Variants in FSTL5 observed in about 807,000 individuals in gnomAD.
The protein encoded by FSTL5 is follistatin-related protein 5.
A neutral mutation model predicts 89.1 loss-of-function variants in FSTL5; 62 were observed. That is an observed-to-expected ratio of 0.70 (90% CI 0.57 to 0.86). The LOEUF (loss-of-function observed/expected upper bound fraction) is 0.86, where lower values mean the gene tolerates loss of function less well. Ranked by LOEUF, FSTL5 falls within the 40% of genes least tolerant of loss-of-function variation. FSTL5 has a pLI of 0.00. For synonymous variants in FSTL5, 383 were observed against 346.2 expected, an observed-to-expected ratio of 1.11 and a Z score of -1.18; for missense variants, 1,057 against 1,001.6, an observed-to-expected ratio of 1.06 and a Z score of -0.75.
At chr4:161,882,367 A>T (rs997783781) in intron 4 of FSTL5, among the ~76,000 whole-genome samples, 4 of 152,034 alleles carry the variant, frequency 2.6e-5, no homozygotes, top group African/African-American at 9.7e-5. Context: ...ATCCTCAACT[A>T]ATTCCCGACA....
intron 2 of FSTL5, among the ~76,000 whole-genome samples, chr4:162,058,217 T>A (rs34742645): frequency 6.6e-6 from 1 of 151,896 alleles, no homozygotes; most frequent in African/African-American, 2.4e-5. Context: ...TTCTTTGATA[T>A]CAGTGATGAG....
chr4:161,793,596 G>C (rs1729542637), intron 4 of FSTL5, among the ~76,000 whole-genome samples: 1 of 117,066 alleles, frequency 8.5e-6, no homozygotes, highest in Non-Finnish European at 1.7e-5. Context: ...GGTTGCTTTT[G>C]GGGAAACCAT....
At chr4:162,009,363 G>A (rs1031792988) in intron 3 of FSTL5, among the ~76,000 whole-genome samples, 1 of 152,070 alleles carries the variant, frequency 6.6e-6, no homozygotes. Context: ...ATCTGGGGCA[G>A]GGGCAAAGGA....
At chr4:161,663,561 G>T (rs1736788140) in intron 6 of FSTL5, among the ~76,000 whole-genome samples, 1 of 152,130 alleles carries the variant, frequency 6.6e-6, no homozygotes, top group Non-Finnish European at 1.5e-5. Flanking sequence ...GTCTTGGTCA[G>T]CTCAGCCCCT....
chr4:161,632,337 G>A (rs922631922), intron 7 of FSTL5, among the ~76,000 whole-genome samples: 5 of 152,108 alleles, frequency 3.3e-5, no homozygotes, highest in Admixed American at 6.6e-5. Context: ...CAGAGATCAC[G>A]CCACTGTGTT....
At chr4:161,713,564 A>G (rs1329324825) in intron 6 of FSTL5, among the ~76,000 whole-genome samples, 1 of 152,186 alleles carries the variant, frequency 6.6e-6, no homozygotes, top group Non-Finnish European at 1.5e-5. Context: ...GCGTGCAAAA[A>G]CAGTACATGC....
chr4:161,746,156 T>C (rs1740196039), intron 6 of FSTL5, among the ~76,000 whole-genome samples: 1 of 152,096 alleles, frequency 6.6e-6, no homozygotes, highest in South Asian at 2.1e-4. Context: ...TTTTTTTAAT[T>C]TGAGGTTTGA....
At chr4:161,665,557 A>C (rs180679446) in intron 6 of FSTL5, among the ~76,000 whole-genome samples, 21 of 152,298 alleles carry the variant, frequency 1.4e-4, no homozygotes, top group African/African-American at 5.1e-4. Context: ...AAAATTTTGC[A>C]AATTAAAAGA....
chr4:161,897,363 G>C (rs1733194265), intron 4 of FSTL5, among the ~76,000 whole-genome samples: 1 of 151,280 alleles, frequency 6.6e-6, no homozygotes, highest in Non-Finnish European at 1.5e-5. Flanking sequence ...TGAGTTCTCT[G>C]TGATATGATA....
chr4:161,398,937 G>T (rs1731091677), intron 15 of FSTL5, among the ~76,000 whole-genome samples: 1 of 151,958 alleles, frequency 6.6e-6, no homozygotes, highest in African/African-American at 2.4e-5. Flanking sequence ...AGACATAAAT[G>T]AATATTTATG....
chr4:162,047,853 C>A (rs1004760498), intron 2 of FSTL5, among the ~76,000 whole-genome samples: 2 of 151,780 alleles, frequency 1.3e-5, no homozygotes, highest in Non-Finnish European at 2.9e-5. Context: ...AAGCAAACAA[C>A]AACAACAAAA....
intron 15 of FSTL5, among the ~76,000 whole-genome samples, chr4:161,391,983 C>G (rs370894017): frequency 1.7e-4 from 26 of 152,228 alleles, no homozygotes; most frequent in African/African-American, 6.0e-4. Context: ...CACTTTTAGA[C>G]TTTTTTTCCT....
At chr4:161,759,328 A>T in intron 6 of FSTL5, 83 bp downstream of exon 6, 1 of 1,275,160 alleles carries the variant, frequency 7.8e-7, no homozygotes, top group Non-Finnish European at 1.1e-6. Flanking sequence ...AGCTTGTACT[A>T]TGAGAGCAAG....
At chr4:161,968,327 C>T (rs1391378992) in intron 3 of FSTL5, among the ~76,000 whole-genome samples, 4 of 151,858 alleles carry the variant, frequency 2.6e-5, no homozygotes, top group African/African-American at 9.7e-5. Flanking sequence ...ATTAAATACA[C>T]ATGGACAATA....
At chr4:161,982,662 AT>A (rs1201195710) in intron 3 of FSTL5, among the ~76,000 whole-genome samples, 3 of 152,176 alleles carry the variant, frequency 2.0e-5, no homozygotes, top group Non-Finnish European at 4.4e-5. Context: ...TGAATATTTG[AT>A]TTAACATATG....
chr4:161,581,596 T>C (rs1470093894), intron 8 of FSTL5, among the ~76,000 whole-genome samples: 3 of 152,230 alleles, frequency 2.0e-5, no homozygotes, highest in African/African-American at 7.2e-5. Flanking sequence ...ATAATAGCTC[T>C]GTCAGTAATG....
chr4:161,764,629 T>C (rs1261007137), intron 5 of FSTL5, among the ~76,000 whole-genome samples: 1 of 145,578 alleles, frequency 6.9e-6, no homozygotes, highest in Non-Finnish European at 1.5e-5. Context: ...AAGTGCCTAA[T>C]ATAACATTTA....
intron 13 of FSTL5, among the ~76,000 whole-genome samples, chr4:161,469,273 T>C (rs1156752997): frequency 1.3e-5 from 2 of 152,232 alleles, no homozygotes; most frequent in Non-Finnish European, 2.9e-5. Flanking sequence ...TGTAAGGCTG[T>C]ATAATATTCC....
chr4:162,075,389 T>C (rs750745571), intron 2 of FSTL5, among the ~76,000 whole-genome samples: 1 of 151,866 alleles, frequency 6.6e-6, no homozygotes, highest in East Asian at 1.9e-4. Context: ...GAAAACAATG[T>C]AGTAACAATG....
Sources: gnomAD v4.1 joint callset for allele counts (sites outside exome capture counted in the v4.1 genomes callset) on GRCh38, gnomAD v4.1.1 for gene constraint, MANE v1.5 for transcripts, NCBI Gene and HGNC (gene_info 2026-07-23, HGNC 2026-07-21) for gene names.